The following KCNQ5 variants were observed in gnomAD, a reference collection of about 807,000 sequenced individuals.
KCNQ5 encodes the protein potassium voltage-gated channel subfamily KQT member 5.
KCNQ5 carries 30 observed loss-of-function variants against 98.2 expected under a neutral mutation model. The ratio of observed to expected loss-of-function variants is 0.31; its 90% CI spans 0.23 to 0.41. The LOEUF (loss-of-function observed/expected upper bound fraction) is 0.41. Ranked by LOEUF, KCNQ5 falls within the 10% of genes least tolerant of loss-of-function variation. The probability of loss-of-function intolerance (pLI) is 1.00; values close to 1 mark genes in which losing one functional copy is unlikely to be tolerated. For missense variants in KCNQ5, 835 were observed against 1,182.5 expected (o/e 0.71, Z 4.31); for synonymous variants, 458 against 449.4 (o/e 1.02, Z -0.24).
At chr6:73,151,966 CT>C (rs1777169352) in intron 10 of KCNQ5, among the ~76,000 whole-genome samples, 1 of 152,204 alleles carries the variant, frequency 6.6e-6, no homozygotes, top group South Asian at 2.1e-4. Flanking sequence ...CAATTTCCCT[CT>C]CCACCTGACA....
chr6:73,067,233 G>A (rs954497595), intron 3 of KCNQ5, among the ~76,000 whole-genome samples: 1 of 152,056 alleles, frequency 6.6e-6, no homozygotes, highest in Non-Finnish European at 1.5e-5. Flanking sequence ...ATATATAAGT[G>A]CTCTGGAAAC....
At chr6:73,001,607 G>A (rs888496429) in intron 1 of KCNQ5, among the ~76,000 whole-genome samples, 1 of 152,112 alleles carries the variant, frequency 6.6e-6, no homozygotes, top group Non-Finnish European at 1.5e-5. Context: ...ACCTGGACTT[G>A]GTGGGGAAAG....
intron 10 of KCNQ5, among the ~76,000 whole-genome samples, chr6:73,146,029 C>T (rs556718571): frequency 1.3e-4 from 20 of 152,312 alleles, no homozygotes; most frequent in African/African-American, 4.1e-4. Flanking sequence ...GTCCCTCCCC[C>T]AACATTGGGA....
chr6:73,018,185 A>C (rs1041134451), intron 2 of KCNQ5, among the ~76,000 whole-genome samples: 1 of 152,152 alleles, frequency 6.6e-6, no homozygotes. Context: ...TTACACCTCT[A>C]TAAGTCTGGA....
At chr6:73,097,009 C>G (rs1363050225) in intron 5 of KCNQ5, among the ~76,000 whole-genome samples, 2 of 151,482 alleles carry the variant, frequency 1.3e-5, no homozygotes, top group African/African-American at 4.8e-5. Context: ...CCACTGCACT[C>G]CAGTCTGGGT....
At chr6:73,105,659 A>C (rs1203286542) in intron 6 of KCNQ5, among the ~76,000 whole-genome samples, 1 of 152,184 alleles carries the variant, frequency 6.6e-6, no homozygotes, top group Non-Finnish European at 1.5e-5. Context: ...CATTTAAAAT[A>C]TTTGCAAAGA....
At position 73,129,644 on chromosome 6, in the gene KCNQ5, C is replaced by T. The variant is rs566684320; in HGVS notation, c.1248-3777C>T. 10 of 581,754 alleles carry T rather than the reference C, an allele frequency of 1.7e-5. No homozygotes were observed. The South Asian group carries it at 2.5e-4, about 15-fold the overall frequency. The allele number at this position is 581,754 out of a possible 1,614,324, so 36.0% of individuals were successfully genotyped here. ...ATATCTTTCAAGCAGCACAATTAAA[C>T]AACATAGTACTCTCTGCTTAAATAG... On this transcript the variant is annotated intron_variant, in intron 9 of 13. Coordinates refer to ENST00000370398, the MANE Select transcript of KCNQ5 (RefSeq NM_019842.4).
At chr6:72,693,094 T>C (rs1009492898) in intron 1 of KCNQ5, among the ~76,000 whole-genome samples, 4 of 152,154 alleles carry the variant, frequency 2.6e-5, no homozygotes, top group Admixed American at 6.6e-5. Flanking sequence ...CTTTGAAGTA[T>C]AGATTTATGT....
intron 1 of KCNQ5, among the ~76,000 whole-genome samples, chr6:72,899,777 T>G (rs1403757011): frequency 1.3e-5 from 2 of 152,062 alleles, no homozygotes; most frequent in African/African-American, 4.8e-5. Flanking sequence ...TCACCCTCTG[T>G]GTAGTCTTTT....
intron 1 of KCNQ5, among the ~76,000 whole-genome samples, chr6:72,777,947 G>C (rs896542537): frequency 6.6e-6 from 1 of 152,190 alleles, no homozygotes; most frequent in African/African-American, 2.4e-5. Flanking sequence ...TCAAATGCCT[G>C]TAGAATATTC....
At chr6:73,153,788 T>C (rs1268464879) in intron 10 of KCNQ5, among the ~76,000 whole-genome samples, 5 of 152,076 alleles carry the variant, frequency 3.3e-5, no homozygotes. Context: ...AGGTCCCAAA[T>C]TTTTATGTCA....
At chr6:73,129,828 T>G in intron 9 of KCNQ5, 2 of 1,613,156 alleles carry the variant, frequency 1.2e-6, no homozygotes, top group East Asian at 2.2e-5. Context: ...CTCTTCAGAA[T>G]GTACACCTCA....
intron 1 of KCNQ5, among the ~76,000 whole-genome samples, chr6:72,819,487 C>A (rs1775654161): frequency 6.6e-6 from 1 of 152,080 alleles, no homozygotes; most frequent in African/African-American, 2.4e-5. Flanking sequence ...CCTTTTTGTA[C>A]AAATCACTAT....
chr6:72,721,555 G>T (rs891645989), intron 1 of KCNQ5, among the ~76,000 whole-genome samples: 2 of 152,114 alleles, frequency 1.3e-5, no homozygotes, highest in African/African-American at 4.8e-5. Flanking sequence ...CATCTGTGGG[G>T]ATTGTTTAAA....
intron 13 of KCNQ5, among the ~76,000 whole-genome samples, chr6:73,193,285 G>C (rs1413981793): frequency 6.6e-6 from 1 of 151,544 alleles, no homozygotes; most frequent in African/African-American, 2.4e-5. Flanking sequence ...CTCCCAAAGT[G>C]CTGAGATTAC....
Position 73,133,581 on chromosome 6 carries a change from C to T in KCNQ5, c.1408C>T (p.Arg470Ter), listed in dbSNP as rs1369366504. ...KVQKSWSFND[R>*]TRFRPSLRLK... ...GCAGAAGAGCTGGAGCTTCAACGAC[C>T]GAACCCGCTTCCGGCCCTCGCTGCG... is the stretch of plus-strand genomic sequence containing the variant. Residue 470 changes from arginine (R) to a stop codon, truncating the protein, a stop_gained, in exon 10 of 14, where the codon CGA becomes TGA. Coordinates refer to ENST00000370398, the MANE Select transcript of KCNQ5 (RefSeq NM_019842.4). LOFTEE classifies it high-confidence loss of function. The T allele has an allele frequency of 1.2e-6, 2 of 1,614,196 alleles. No homozygotes were observed. The highest frequency in any genetic ancestry group is 1.7e-6 in the Non-Finnish European group (2 of 1,180,026).
At chr6:72,795,757 A>G (rs570944101) in intron 1 of KCNQ5, among the ~76,000 whole-genome samples, 3 of 152,314 alleles carry the variant, frequency 2.0e-5, no homozygotes, top group East Asian at 1.9e-4. Context: ...AGTTTACACA[A>G]AAATTGTTTT....
At chr6:73,123,933 C>A (rs958576613) in intron 8 of KCNQ5, among the ~76,000 whole-genome samples, 2 of 152,122 alleles carry the variant, frequency 1.3e-5, no homozygotes, top group African/African-American at 2.4e-5. Flanking sequence ...CCTACATTTG[C>A]TAAAATGAGT....
intron 1 of KCNQ5, among the ~76,000 whole-genome samples, chr6:72,792,499 A>C (rs1003767839): frequency 6.6e-6 from 1 of 152,238 alleles, no homozygotes; most frequent in Non-Finnish European, 1.5e-5. Context: ...TAAAATGACT[A>C]TATTCTGGTA....
Sources: gnomAD v4.1 joint callset for allele counts (sites outside exome capture counted in the v4.1 genomes callset) on GRCh38, gnomAD v4.1.1 for gene constraint, MANE v1.5 for transcripts, NCBI Gene and HGNC (gene_info 2026-07-23, HGNC 2026-07-21) for gene names.